Variants in GYS2 observed in about 807,000 individuals in gnomAD.
GYS2 encodes the protein glycogen [starch] synthase, liver.
In GYS2, 80 loss-of-function variants were observed where a neutral mutation model predicts 85.6. That is an observed-to-expected ratio of 0.93 (90% confidence interval 0.78 to 1.13). The LOEUF is 1.13. Among genes scored for constraint, GYS2 ranks in the 50% most tolerant of loss-of-function variants. The pLI is 0.00. For missense variants in GYS2, 881 were observed against 854.9 expected, an observed-to-expected ratio of 1.03 and a Z score of -0.38; for synonymous variants, 328 against 300.7, an observed-to-expected ratio of 1.09 and a Z score of -0.94.
chr12:21,555,471 A>C (rs757525982), intron 11 of GYS2, among the ~76,000 whole-genome samples: 1 of 152,168 alleles, frequency 6.6e-6, no homozygotes, highest in Non-Finnish European at 1.5e-5. Flanking sequence ...CTTATAATGA[A>C]AGGGGCCCCA....
intron 1 of GYS2, among the ~76,000 whole-genome samples, chr12:21,585,942 C>T (rs1193155602): frequency 6.6e-6 from 1 of 152,112 alleles, no homozygotes; most frequent in Non-Finnish European, 1.5e-5. Flanking sequence ...TTATTGTTGT[C>T]TTTATTTGAA....
rs766781063 is a variant in GYS2 at position 21,542,572 on chromosome 12, A to T, written c.1569T>A (p.Gly523=). ...GYTPAECTVM[G]IPSVTTNLSG... The stretch of plus-strand genomic sequence containing the variant: ...AGAGATTCGTGGTCACACTGGGGAT[A>T]CCCATCACAGTGCATTCAGCTGCCA... The change falls in exon 13 of 16, where the codon GGT becomes GGA. Residue 523 remains glycine (G), a synonymous_variant. Coordinates refer to ENST00000261195, the MANE Select transcript of GYS2 (RefSeq NM_021957.4). The T allele has an allele frequency of 6.2e-7, 1 of 1,612,526 alleles. No homozygotes were observed. The highest frequency in any genetic ancestry group is 8.5e-7 in the Non-Finnish European group (1 of 1,178,680).
chr12:21,553,733 T>G (rs1175461724), intron 11 of GYS2, among the ~76,000 whole-genome samples: 1 of 152,112 alleles, frequency 6.6e-6, no homozygotes, highest in Non-Finnish European at 1.5e-5. Flanking sequence ...AAGTGGTATG[T>G]AGTAACATTA....
chr12:21,591,897 C>T (rs1758628507), intron 1 of GYS2, among the ~76,000 whole-genome samples: 1 of 152,000 alleles, frequency 6.6e-6, no homozygotes, highest in Non-Finnish European at 1.5e-5. Context: ...CAACATTGTT[C>T]TTCAAAAATG....
chr12:21,546,429 T>TA lies in GYS2; in HGVS notation c.1463dup (p.Leu488PhefsTer7). 3 of 1,588,524 alleles carry TA rather than the reference T, an allele frequency of 1.9e-6. No homozygotes were observed. The highest frequency in any genetic ancestry group is 2.6e-6 in the Non-Finnish European group (3 of 1,157,678). ...CAAACTCTTCATAGTCCATGGGTAGTAAGGGACTGGTGGAGGATAGAAACT... is the reference window on the plus strand; with the variant it reads ...CAAACTCTTCATAGTCCATGGGTAGTAAAGGGACTGGTGGAGGATAGAAACT... On this transcript the variant is annotated frameshift_variant, in exon 12 of 16. Transcript: ENST00000261195. LOFTEE classifies it high-confidence loss of function.
At chr12:21,579,171 C>T (rs1208877898) in intron 2 of GYS2, among the ~76,000 whole-genome samples, 1 of 152,106 alleles carries the variant, frequency 6.6e-6, no homozygotes, top group Non-Finnish European at 1.5e-5. Flanking sequence ...CCTCCCTTGA[C>T]TTGACATCAC....
rs963046477 is a variant in GYS2, at chr12:21,574,228, A to G, written c.594T>C (p.Ile198=). ...LILSRARKLP[I]ATIFTTHATL... ...TAGCGTGGGTTGTAAATATTGTGGC[A>G]ATAGGAAGTTTCCTGGCTCGAGAAA... The change falls in exon 4 of 16, where the codon ATT becomes ATC. Residue 198 remains isoleucine, a synonymous_variant. Transcript: ENST00000261195. 6.2e-7 allele frequency: 1 copy of G among 1,613,552 alleles called. No homozygotes were observed. Among genetic ancestry groups the G allele is most frequent in the Admixed American group, 1.7e-5 (1 of 60,016 alleles).
intron 1 of GYS2, among the ~76,000 whole-genome samples, chr12:21,581,595 GCTACA>G (rs1346317794): frequency 6.6e-6 from 1 of 152,094 alleles, no homozygotes; most frequent in African/African-American, 2.4e-5. Context: ...AGCTTGTCCT[GCTACA>G]CTAGAATCGT....
At chr12:21,550,314 AACACACAC>A (rs10582787) in intron 11 of GYS2, among the ~76,000 whole-genome samples, 76,959 of 148,204 alleles carry the variant, frequency 0.52, 22,445 homozygotes, top group East Asian at 0.75. Flanking sequence ...AGACAGAAAG[AACACACAC>A]ACACACACAC....
intron 11 of GYS2, among the ~76,000 whole-genome samples, chr12:21,546,684 A>G (rs1217336437): frequency 1.3e-5 from 2 of 152,164 alleles, no homozygotes; most frequent in Non-Finnish European, 2.9e-5. Flanking sequence ...TGCATATTTA[A>G]CTTTCCCTCA....
At chr12:21,560,518 G>A in intron 7 of GYS2, 26 bp from the exon 8 acceptor site, 1 of 1,052,336 alleles carries the variant, frequency 9.5e-7, no homozygotes, top group Non-Finnish European at 1.5e-6. Context: ...AAAACACAGA[G>A]TCAACTATCA....
intron 3 of GYS2, 71 bp downstream of exon 3, chr12:21,575,795 A>T: frequency 8.6e-7 from 1 of 1,160,868 alleles, no homozygotes; most frequent in Admixed American, 1.7e-5. Context: ...TTTAAAGATC[A>T]TGGGATCATT....
intron 11 of GYS2, among the ~76,000 whole-genome samples, chr12:21,551,122 C>T (rs959350543): frequency 6.6e-6 from 1 of 150,614 alleles, no homozygotes; most frequent in Non-Finnish European, 1.5e-5. Flanking sequence ...AACTCGTTAT[C>T]TAGCATTAGG....
At chr12:21,543,839 G>T (rs2054434) in intron 12 of GYS2, among the ~76,000 whole-genome samples, 8 of 151,900 alleles carry the variant, frequency 5.3e-5, no homozygotes, top group African/African-American at 1.9e-4. Flanking sequence ...GAGAACATGC[G>T]GTGTTTGGTT....
At chr12:21,564,564 G>A (rs184652728) in intron 5 of GYS2, among the ~76,000 whole-genome samples, 1 of 152,214 alleles carries the variant, frequency 6.6e-6, no homozygotes, top group Non-Finnish European at 1.5e-5. Flanking sequence ...TTTTTATTAA[G>A]TAATCTGACC....
chr12:21,540,812 G>A (rs1943964165), intron 13 of GYS2, among the ~76,000 whole-genome samples: 1 of 152,104 alleles, frequency 6.6e-6, no homozygotes, highest in Non-Finnish European at 1.5e-5. Context: ...TGGCAGTCTA[G>A]GGATACGCTG....
Position 21,574,272 on chromosome 12 carries a change from C to A in GYS2, c.550G>T (p.Ala184Ser), listed in dbSNP as rs1314595265. Residue 184 changes from alanine to serine, a missense_variant, in exon 4 of 16, where the codon GCT (alanine) becomes TCT (serine). By Grantham distance (99) the Ala-to-Ser change is moderately conservative. Transcript: ENST00000261195. Reference sequence around the variant, plus strand: ...CGAGAAAGGATCAGTCCAATTCCAGCCTGCCATTCATGGAATTGGGCAACG... The same window carrying A: ...CGAGAAAGGATCAGTCCAATTCCAGACTGCCATTCATGGAATTGGGCAACG... ...YVVAQFHEWQ[A>S]GIGLILSRAR... 6.8e-6 allele frequency: 11 copies of A among 1,613,758 alleles called. No individual in the cohort carries two copies. The highest frequency in any genetic ancestry group is 9.3e-6 in the Non-Finnish European group (11 of 1,179,674).
chr12:21,595,296 A>G (rs1399569988), intron 1 of GYS2, among the ~76,000 whole-genome samples: 1 of 152,206 alleles, frequency 6.6e-6, no homozygotes, highest in African/African-American at 2.4e-5. Context: ...TGAAGGAAGT[A>G]GATTGCTCCT....
intron 7 of GYS2, 57 bp downstream of exon 7, chr12:21,562,861 C>G: frequency 6.3e-7 from 1 of 1,598,114 alleles, no homozygotes. Flanking sequence ...TCTTCACTTC[C>G]CACAGAAGAA....
Sources: allele counts gnomAD v4.1 joint callset (sites outside exome capture counted in the v4.1 genomes callset), GRCh38; gene constraint gnomAD v4.1.1; transcripts MANE v1.5; gene names NCBI Gene and HGNC (gene_info 2026-07-23, HGNC 2026-07-21).